Variants in CPE observed in about 807,000 individuals in gnomAD.
CPE encodes carboxypeptidase E.
A neutral mutation model predicts 53.5 loss-of-function variants in CPE; 17 were observed. The observed-to-expected ratio is 0.32, with a 90% confidence interval of 0.22 to 0.48. The LOEUF (loss-of-function observed/expected upper bound fraction) is 0.48. Ranked by LOEUF, CPE falls within the 20% of genes least tolerant of loss-of-function variation. CPE has a pLI of 0.99. For missense variants in CPE, 524 were observed against 614.7 expected (o/e 0.85, Z 1.56); for synonymous variants, 226 against 228.8 (o/e 0.99, Z 0.11).
At chr4:165,470,064 T>C (rs1322983665) in intron 3 of CPE, among the ~76,000 whole-genome samples, 1 of 152,180 alleles carries the variant, frequency 6.6e-6, no homozygotes, top group East Asian at 1.9e-4. Context: ...GCAACCTCAA[T>C]TCTTGCCTCC....
chr4:165,390,976 G>A (rs992762340), intron 1 of CPE, among the ~76,000 whole-genome samples: 9 of 152,112 alleles, frequency 5.9e-5, no homozygotes, highest in Non-Finnish European at 8.8e-5. Context: ...TATAGATTCA[G>A]ATTACTGGAT....
At chr4:165,496,531 C>T (rs1231108214) in intron 8 of CPE, among the ~76,000 whole-genome samples, 2 of 151,904 alleles carry the variant, frequency 1.3e-5, no homozygotes, top group East Asian at 1.9e-4. Flanking sequence ...TGTGTTAGTG[C>T]AAGGATATAG....
At chr4:165,436,372 A>G (rs1178802945) in intron 1 of CPE, among the ~76,000 whole-genome samples, 2 of 152,186 alleles carry the variant, frequency 1.3e-5, no homozygotes, top group African/African-American at 4.8e-5. Flanking sequence ...TAGATGCTGC[A>G]TTTATTCTGA....
At chr4:165,427,171 C>G (rs1432070605) in intron 1 of CPE, among the ~76,000 whole-genome samples, 2 of 146,444 alleles carry the variant, frequency 1.4e-5, no homozygotes, top group African/African-American at 5.0e-5. Flanking sequence ...TGTGTGGCTG[C>G]AGGCATGTCT....
chr4:165,406,054 G>C (rs1293002395), intron 1 of CPE: 1 of 758,662 alleles, frequency 1.3e-6, no homozygotes, highest in African/African-American at 1.7e-5. Context: ...CTACAATAAA[G>C]CAGCCTGGCT....
intron 1 of CPE, chr4:165,415,051 T>C (rs1731100282): frequency 6.2e-6 from 1 of 161,934 alleles, no homozygotes; most frequent in Non-Finnish European, 1.5e-5. Flanking sequence ...GAATCTTTAA[T>C]TTATCTCCTC....
intron 1 of CPE, among the ~76,000 whole-genome samples, chr4:165,388,407 C>T (rs1730632361): frequency 6.6e-6 from 1 of 152,002 alleles, no homozygotes; most frequent in African/African-American, 2.4e-5. Flanking sequence ...AAATATAGGC[C>T]TTTTTTAAAT....
Position 165,497,708 on chromosome 4 carries a change from G to A in CPE, c.*98G>A. ...TTTTGTGCAGTTAATACTTAACATT[G>A]ATTTATTTTTTAATCATTTAAATAT... On this transcript the variant is annotated 3_prime_UTR_variant, in exon 9 of 9. Coordinates refer to ENST00000402744, the MANE Select transcript of CPE (RefSeq NM_001873.4). 1 of 494,270 alleles carries A rather than the reference G, an allele frequency of 2.0e-6. No homozygotes were observed. Among genetic ancestry groups the A allele is most frequent in the Non-Finnish European group, 3.3e-6 (1 of 306,804 alleles). The allele number at this position is 494,270 out of a possible 1,614,324, so 30.6% of individuals were successfully genotyped here.
chr4:165,455,705 T>G (rs1479711698), intron 1 of CPE, among the ~76,000 whole-genome samples: 2 of 151,492 alleles, frequency 1.3e-5, no homozygotes, highest in Non-Finnish European at 2.9e-5. Context: ...CAGGATAGAG[T>G]GCAGTGGCAT....
chr4:165,398,343 C>T (rs945021442), intron 1 of CPE, among the ~76,000 whole-genome samples: 3 of 151,984 alleles, frequency 2.0e-5, no homozygotes, highest in Non-Finnish European at 4.4e-5. Flanking sequence ...CATATATACA[C>T]ACACATATAC....
chr4:165,451,722 C>T (rs1383738288), intron 1 of CPE, among the ~76,000 whole-genome samples: 2 of 152,056 alleles, frequency 1.3e-5, no homozygotes, highest in African/African-American at 4.8e-5. Context: ...AAACTCCTGA[C>T]CTTGTGATCC....
intron 1 of CPE, among the ~76,000 whole-genome samples, chr4:165,413,660 G>T (rs540495942): frequency 1.3e-5 from 2 of 152,180 alleles, no homozygotes; most frequent in African/African-American, 4.8e-5. Context: ...GTGAGAAATT[G>T]ATGTGTAAAT....
intron 1 of CPE, among the ~76,000 whole-genome samples, chr4:165,407,845 C>T (rs1252780230): frequency 6.6e-6 from 1 of 150,424 alleles, no homozygotes; most frequent in Non-Finnish European, 1.5e-5. Flanking sequence ...CATGAGCCAC[C>T]GCGCCCGACC....
Position 165,487,547 on chromosome 4 carries a change from C to T in CPE, c.1083C>T (p.Asn361=), listed in dbSNP as rs545158783. 3 of 1,614,076 alleles carry T rather than the reference C, an allele frequency of 1.9e-6. No homozygotes were observed. Among genetic ancestry groups the T allele is most frequent in the African/African-American group, 2.7e-5 (2 of 75,030 alleles). The change falls in exon 6 of 9, where the codon AAC becomes AAT. Residue 361 remains asparagine, a synonymous_variant. Coordinates refer to ENST00000402744, the MANE Select transcript of CPE (RefSeq NM_001873.4). ...EETLKTYWED[N]KNSLISYLEQ... ...CTCTGAAGACCTACTGGGAGGATAA[C>T]AAAAACTCCCTCATTAGCTACCTTG... is the stretch of plus-strand genomic sequence containing the variant.
chr4:165,447,132 T>G (rs1731730023), intron 1 of CPE, among the ~76,000 whole-genome samples: 1 of 152,222 alleles, frequency 6.6e-6, no homozygotes, highest in Admixed American at 6.5e-5. Flanking sequence ...TACACCTGTA[T>G]AGGGCACTTA....
intron 1 of CPE, among the ~76,000 whole-genome samples, chr4:165,410,108 G>T (rs1039002473): frequency 1.3e-5 from 2 of 151,900 alleles, no homozygotes; most frequent in African/African-American, 2.4e-5. Context: ...AATTAGCTGG[G>T]TGTGGTGGTG....
intron 1 of CPE, among the ~76,000 whole-genome samples, chr4:165,443,931 T>G (rs1731658546): frequency 6.6e-6 from 1 of 152,150 alleles, no homozygotes; most frequent in Non-Finnish European, 1.5e-5. Flanking sequence ...TTCCATCACA[T>G]GAGGACACAG....
intron 1 of CPE, among the ~76,000 whole-genome samples, chr4:165,397,680 T>TA (rs1172506768): frequency 2.0e-5 from 3 of 152,154 alleles, no homozygotes; most frequent in African/African-American, 7.2e-5. Context: ...TTTCATCAGA[T>TA]AAAACAGGAT....
At chr4:165,416,344 A>G (rs934760392) in intron 1 of CPE, among the ~76,000 whole-genome samples, 18 of 152,086 alleles carry the variant, frequency 1.2e-4, no homozygotes, top group African/African-American at 3.4e-4. Flanking sequence ...CACTGCCACT[A>G]TTGGGCTAGC....
Sources: allele counts gnomAD v4.1 joint callset (sites outside exome capture counted in the v4.1 genomes callset), GRCh38; gene constraint gnomAD v4.1.1; transcripts MANE v1.5; gene names NCBI Gene and HGNC (gene_info 2026-07-23, HGNC 2026-07-21).